Variants in HMCN1 observed in about 807,000 individuals in gnomAD.
HMCN1 encodes hemicentin 1.
Under a neutral mutation model 625.9 loss-of-function variants are expected in HMCN1, and 321 were observed. That is an observed-to-expected ratio of 0.51 (90% confidence interval 0.47 to 0.56). The LOEUF is 0.56. Ranked by LOEUF, HMCN1 falls within the 20% of genes least tolerant of loss-of-function variation. The pLI is 0.00. For synonymous variants in HMCN1, 2,425 were observed against 2,417.6 expected (o/e 1.00, Z -0.09); for missense variants, 6,588 against 6,887.3 (o/e 0.96, Z 1.54).
At chr1:185,866,496 C>T (rs1194868611) in intron 4 of HMCN1, among the ~76,000 whole-genome samples, 1 of 149,732 alleles carries the variant, frequency 6.7e-6, no homozygotes, top group African/African-American at 2.5e-5. Flanking sequence ...GCTCTGCCTC[C>T]TGGGTTCACG....
At position 186,181,527 on chromosome 1, in the gene HMCN1, A is replaced by G. The variant is rs1236944020; in HGVS notation, c.16295-641A>G. 3.3e-5 allele frequency among the ~76,000 whole-genome samples: 5 copies of G among 152,298 alleles called. No homozygotes were observed. In the East Asian group the frequency reaches 9.6e-4, roughly 29 times the overall value. On this transcript the variant is annotated intron_variant, in intron 104 of 106. Coordinates refer to ENST00000271588, the MANE Select transcript of HMCN1 (RefSeq NM_031935.3). ...TGGTCTCAAGTGTCCCTTTTAACAGAAGAATAAATGAGATCTTGAGAAGTT... is the reference window on the plus strand; with the variant it reads ...TGGTCTCAAGTGTCCCTTTTAACAGGAGAATAAATGAGATCTTGAGAAGTT...
intron 25 of HMCN1, 117 bp from the exon 26 acceptor site, chr1:185,999,928 G>A (rs1653062916): frequency 1.9e-5 from 13 of 692,310 alleles, no homozygotes; most frequent in Non-Finnish European, 2.4e-6. Flanking sequence ...GGTAGCATAG[G>A]ACCTAAGGTT....
chr1:185,949,969 G>A (rs1369689647), intron 11 of HMCN1, among the ~76,000 whole-genome samples: 28 of 151,556 alleles, frequency 1.8e-4, no homozygotes, highest in African/African-American at 6.3e-4. Flanking sequence ...TCTAAGAGGC[G>A]GGCTAGTGGC....
At chr1:185,845,813 G>A (rs1352229047) in intron 1 of HMCN1, among the ~76,000 whole-genome samples, 1 of 152,080 alleles carries the variant, frequency 6.6e-6, no homozygotes, top group Non-Finnish European at 1.5e-5. Context: ...ATTTCTTATG[G>A]TTAAAAATTC....
intron 4 of HMCN1, among the ~76,000 whole-genome samples, chr1:185,899,183 C>T (rs1665664482): frequency 6.6e-6 from 1 of 152,128 alleles, no homozygotes; most frequent in Non-Finnish European, 1.5e-5. Flanking sequence ...TGTCCAGTGA[C>T]ACTGGGGCGA....
intron 11 of HMCN1, among the ~76,000 whole-genome samples, chr1:185,953,452 C>T (rs1439633115): frequency 6.6e-6 from 1 of 151,762 alleles, no homozygotes; most frequent in African/African-American, 2.4e-5. Context: ...AGTTTTGGGT[C>T]CACGGATAAA....
At chr1:185,756,244 A>C (rs538470094) in intron 1 of HMCN1, among the ~76,000 whole-genome samples, 2 of 152,282 alleles carry the variant, frequency 1.3e-5, no homozygotes, top group African/African-American at 4.8e-5. Flanking sequence ...TCGGTTTCTT[A>C]CTATTCCCTT....
intron 4 of HMCN1, among the ~76,000 whole-genome samples, chr1:185,892,918 C>T (rs111522795): frequency 0.099 from 15,066 of 151,944 alleles, 2,542 homozygotes; most frequent in African/African-American, 0.34. Flanking sequence ...GCCTCGCTGC[C>T]GCCTTGCAGT....
rs770321756 is a variant in HMCN1 at position 186,178,534 on chromosome 1, C to T, written c.16062C>T (p.Cys5354=). Residue 5354 remains cysteine (C), a synonymous_variant, in exon 104 of 107, where the codon TGC becomes TGT. Coordinates refer to ENST00000271588, the MANE Select transcript of HMCN1 (RefSeq NM_031935.3). The part of the protein sequence containing the change: ...GQHLLGDGKS[C]AGLERLPNYG... ...ATTTATTAGGGGACGGGAAATCTTGCGCTGGATTGGAGAGGCTGCCAAATT... is the reference window on the plus strand; with the variant it reads ...ATTTATTAGGGGACGGGAAATCTTGTGCTGGATTGGAGAGGCTGCCAAATT... 14 of 1,613,966 alleles carry T rather than the reference C, an allele frequency of 8.7e-6. No homozygotes were observed. Among genetic ancestry groups the T allele is most frequent in the African/African-American group, 2.7e-5 (2 of 74,914 alleles).
In HMCN1 at chr1:186,062,568, A is replaced by G; in HGVS notation, c.7481A>G (p.Lys2494Arg). Reference sequence around the variant, plus strand: ...TTGGAAGATGTGAAGGTAAAAGAGAAACAGAGTGTTACGCTGACTTGTGAA... The same window carrying G: ...TTGGAAGATGTGAAGGTAAAAGAGAGACAGAGTGTTACGCTGACTTGTGAA... ...NTLEDVKVKEKQSVTLTCEVT... is the reference protein window; with the variant it reads ...NTLEDVKVKERQSVTLTCEVT... Residue 2494 changes from lysine to arginine, a missense_variant, in exon 48 of 107, where the codon AAA (lysine) becomes AGA (arginine). Lys to Arg is a conservative substitution (Grantham distance 26). Transcript: ENST00000271588. 2 of 1,613,046 alleles carry G rather than the reference A, an allele frequency of 1.2e-6. No homozygotes were observed. The highest frequency in any genetic ancestry group is 1.7e-6 in the Non-Finnish European group (2 of 1,179,200).
rs1449760506 is a variant in HMCN1 at position 185,923,594 on chromosome 1, A to G, written c.1226A>G (p.Asp409Gly). The change falls in exon 8 of 107, where the codon GAT becomes GGT. Residue 409 changes from aspartate to glycine, a missense_variant. By Grantham distance (94) the Asp-to-Gly change is moderately conservative. Coordinates refer to ENST00000271588, the MANE Select transcript of HMCN1 (RefSeq NM_031935.3). Reference protein sequence around the residue: ...EAFFLKVTGYDKDDYLFQRVS... With the variant: ...EAFFLKVTGYGKDDYLFQRVS... ...TTCTTTCTCAAAGTAACAGGCTATG[A>G]TAAAGATGATTACCTCTTCCAGAGA... 1.2e-6 allele frequency: 2 copies of G among 1,609,418 alleles called. No individual in the cohort carries two copies. The highest frequency in any genetic ancestry group is 2.7e-5 in the African/African-American group (2 of 74,858).
At chr1:185,970,619 G>A (rs1046912441) in intron 15 of HMCN1, 126 bp downstream of exon 15, 1 of 802,884 alleles carries the variant, frequency 1.2e-6, no homozygotes, top group African/African-American at 1.7e-5. Context: ...GTGCATTTCA[G>A]ATTAATAGAA....
At chr1:185,879,069 A>G (rs1004584400) in intron 4 of HMCN1, among the ~76,000 whole-genome samples, 2 of 152,162 alleles carry the variant, frequency 1.3e-5, no homozygotes, top group Non-Finnish European at 2.9e-5. Flanking sequence ...TGCTGTCCAC[A>G]TTTAGTTAGT....
Position 186,117,608 on chromosome 1 carries a change from A to G in HMCN1, c.11833A>G (p.Arg3945Gly). 6.2e-7 allele frequency: 1 copy of G among 1,613,818 alleles called. No homozygotes were observed. Among genetic ancestry groups the G allele is most frequent in the Non-Finnish European group, 8.5e-7 (1 of 1,179,734 alleles). Residue 3945 changes from arginine (R) to glycine (G), a missense_variant, in exon 77 of 107, where the codon AGA (arginine) becomes GGA (glycine). Physicochemically the swap from Arg to Gly is moderately radical, Grantham distance 125 (BLOSUM62 -2). Transcript: ENST00000271588. The part of the protein sequence containing the change: ...IRLLPRGDGY[R>G]ILSSGAIEIL... ...ACTGCTTCCCAGGGGAGATGGCTAT[A>G]GAATTCTGTCCTCAGGTAAGACCAA...
At chr1:186,154,608 TTTTG>T (rs1488382483) in intron 97 of HMCN1, among the ~76,000 whole-genome samples, 11 of 151,934 alleles carry the variant, frequency 7.2e-5, no homozygotes, top group Non-Finnish European at 1.3e-4. Context: ...TTGTTTTGAA[TTTTG>T]TTTGTCAAGA....
intron 64 of HMCN1, 78 bp from the exon 65 acceptor site, chr1:186,093,056 G>A (rs1015472908): frequency 5.7e-6 from 9 of 1,591,132 alleles, no homozygotes; most frequent in Middle Eastern, 1.7e-4. Flanking sequence ...TTCAGTAACT[G>A]ATTTTAATAG....
At chr1:185,742,385 G>T (rs1016982806) in intron 1 of HMCN1, among the ~76,000 whole-genome samples, 1 of 151,984 alleles carries the variant, frequency 6.6e-6, no homozygotes, top group African/African-American at 2.4e-5. Flanking sequence ...GTATAGTTTG[G>T]CTGTATATAC....
At chr1:186,081,666 T>C (rs919545513) in intron 56 of HMCN1, among the ~76,000 whole-genome samples, 1 of 152,168 alleles carries the variant, frequency 6.6e-6, no homozygotes, top group African/African-American at 2.4e-5. Flanking sequence ...TGATAAAAAT[T>C]GTATTATAAA....
At chr1:185,929,636 C>T (rs1667448894) in intron 10 of HMCN1, among the ~76,000 whole-genome samples, 1 of 152,016 alleles carries the variant, frequency 6.6e-6, no homozygotes, top group Admixed American at 6.6e-5. Flanking sequence ...TTTCTTCAGA[C>T]AATTTAAGAC....
Sources: allele counts gnomAD v4.1 joint callset (sites outside exome capture counted in the v4.1 genomes callset), GRCh38; gene constraint gnomAD v4.1.1; transcripts MANE v1.5; gene names NCBI Gene and HGNC (gene_info 2026-07-23, HGNC 2026-07-21).